KIF14: variants seen among roughly 807,000 people sequenced by gnomAD.
KIF14 encodes the protein kinesin-like protein KIF14.
A neutral mutation model predicts 176.2 loss-of-function variants in KIF14; 98 were observed. The observed-to-expected ratio is 0.56, with a 90% confidence interval of 0.47 to 0.66. The LOEUF is 0.66. Ranked by LOEUF, KIF14 falls within the 30% of genes least tolerant of loss-of-function variation. KIF14 has a pLI of 0.00. For synonymous variants in KIF14, 566 were observed against 632.2 expected, an observed-to-expected ratio of 0.90 and a Z score of 1.57; for missense variants, 1,751 against 1,920.4, an observed-to-expected ratio of 0.91 and a Z score of 1.65.
At chr1:200,580,567 T>G (rs1285829189) in intron 20 of KIF14, among the ~76,000 whole-genome samples, 184 bp from the exon 21 acceptor site, 4 of 151,982 alleles carry the variant, frequency 2.6e-5, no homozygotes, top group Non-Finnish European at 4.4e-5. Context: ...TAACAAAAAT[T>G]TTTTAAAATC....
In KIF14 at chr1:200,598,126, G is replaced by C. The variant is rs911812946; in HGVS notation, c.2549+111C>G. The C allele has an allele frequency of 4.4e-6, 4 of 914,738 alleles. No homozygotes were observed. The African/African-American group carries it at 6.8e-5, about 15-fold the overall frequency. The allele number at this position is 914,738 out of a possible 1,614,324, so 56.7% of individuals were successfully genotyped here. ...TTTTTCCTGACTAAACAATGGGTTT[G>C]AAGAATTCTACCAAACGATCAGTAT... is the stretch of plus-strand genomic sequence containing the variant. On this transcript the variant is annotated intron_variant, in intron 14 of 29. Coordinates refer to ENST00000367350, the MANE Select transcript of KIF14 (RefSeq NM_014875.3).
At chr1:200,553,800 GC>G in intron 29 of KIF14, 33 bp from the exon 30 acceptor site, 1 of 1,537,260 alleles carries the variant, frequency 6.5e-7, no homozygotes, top group South Asian at 1.3e-5. Flanking sequence ...AAGTTAATTA[GC>G]CTTTTCAGTT....
chr1:200,565,035 A>G (rs1319650973), intron 25 of KIF14, 34 bp downstream of exon 25: 1 of 1,504,070 alleles, frequency 6.6e-7, no homozygotes, highest in Non-Finnish European at 9.1e-7. Flanking sequence ...TTATTAAATG[A>G]ATCCTTCAAA....
chr1:200,597,943 TA>T (rs1402012670), intron 14 of KIF14, among the ~76,000 whole-genome samples: 1 of 152,200 alleles, frequency 6.6e-6, no homozygotes, highest in Non-Finnish European at 1.5e-5. Flanking sequence ...GTAAGATAGA[TA>T]GTTTACTTGC....
intron 21 of KIF14, among the ~76,000 whole-genome samples, chr1:200,576,779 G>T (rs970092936): frequency 6.6e-6 from 1 of 152,068 alleles, no homozygotes; most frequent in African/African-American, 2.4e-5. Context: ...TCACGTTTAT[G>T]ACATAAACCC....
chr1:200,578,600 C>A (rs1658261195), intron 21 of KIF14, among the ~76,000 whole-genome samples: 2 of 150,060 alleles, frequency 1.3e-5, no homozygotes, highest in African/African-American at 4.9e-5. Flanking sequence ...AAAGAAAATG[C>A]AGGGGTTGTA....
rs1659716474 is a variant in KIF14 at position 200,603,311 on chromosome 1, T to G, written c.1894A>C (p.Thr632Pro). Reference sequence around the variant, plus strand: ...AGTGCAGATATAACTTTTCCCAAAGTTAGCAAGGACTTATTAATACTCACA... The same window carrying G: ...AGTGCAGATATAACTTTTCCCAAAGGTAGCAAGGACTTATTAATACTCACA... ...EGVSINKSLL[T>P]LGKVISALSE... is the part of the protein sequence containing the mutation. Residue 632 changes from threonine (T) to proline (P), a missense_variant, in exon 10 of 30, where the codon ACT becomes CCT. Coordinates refer to ENST00000367350, the MANE Select transcript of KIF14 (RefSeq NM_014875.3). 6.2e-7 allele frequency: 1 copy of G among 1,608,618 alleles called. No individual in the cohort carries two copies. The highest frequency in any genetic ancestry group is 1.3e-5 in the African/African-American group (1 of 74,862).
At chr1:200,570,121 A>G in intron 22 of KIF14, 116 bp from the exon 23 acceptor site, 1 of 510,002 alleles carries the variant, frequency 2.0e-6, no homozygotes. Flanking sequence ...TTTTCATTAA[A>G]AATTTTCATC....
rs1558064089 is a variant in KIF14, at chr1:200,581,760, C to CTTTTTT, written c.3242-467_3242-466insAAAAAA. Among the ~76,000 whole-genome samples the CTTTTTT allele has an allele frequency of 6.8e-5, 7 of 102,434 alleles. 1 individual carries two copies. Among genetic ancestry groups the CTTTTTT allele is most frequent in the African/African-American group, 1.1e-4 (3 of 27,888 alleles). The allele number at this position is 102,434 out of a possible 152,430, so 67.2% of individuals were successfully genotyped here. A position where few individuals can be genotyped will look rare whatever the true frequency, so the allele number is the denominator to read the frequency against. On this transcript the variant is annotated intron_variant, in intron 19 of 29. Coordinates refer to ENST00000367350, the MANE Select transcript of KIF14 (RefSeq NM_014875.3). ...ATAATTTAGTACACAATTTCACTTT[C>CTTTTTT]CTTTTTTTTTTTTTTTTTTTTTTTG...
chr1:200,582,284 G>C (rs953486334), intron 19 of KIF14, among the ~76,000 whole-genome samples: 1 of 152,018 alleles, frequency 6.6e-6, no homozygotes, highest in African/African-American at 2.4e-5. Flanking sequence ...TGAGACAAGA[G>C]GATCACTTGA....
At chr1:200,556,498 A>G (rs1246306454) in intron 27 of KIF14, among the ~76,000 whole-genome samples, 1 of 152,222 alleles carries the variant, frequency 6.6e-6, no homozygotes, top group African/African-American at 2.4e-5. Flanking sequence ...CATGAACAAC[A>G]AAGTACAGGT....
In KIF14 at chr1:200,617,675, T is replaced by A. The variant is rs1163480171; in HGVS notation, c.1049A>T (p.Asp350Val). The change falls in exon 2 of 30, where the codon GAC becomes GTC. Residue 350 changes from aspartate to valine, a missense_variant. By Grantham distance (152) the Asp-to-Val change is radical. Coordinates refer to ENST00000367350, the MANE Select transcript of KIF14 (RefSeq NM_014875.3). ...TTGACTATTCTCTACTTTTAAGGGG[T>A]CTTTTCCTGCAGAGGTGTTCTGAAC... ...TVVQNTSAGK[D>V]PLKVENSQVT... 3 of 1,614,054 alleles carry A rather than the reference T, an allele frequency of 1.9e-6. No homozygotes were observed. The African/African-American group carries it at 4.0e-5, about 22-fold the overall frequency.
chr1:200,598,178 C>T, intron 14 of KIF14, 59 bp downstream of exon 14: 1 of 1,453,708 alleles, frequency 6.9e-7, no homozygotes, highest in African/African-American at 1.4e-5. Flanking sequence ...TGAAGGAAAC[C>T]ACATGTTATC....
intron 19 of KIF14, among the ~76,000 whole-genome samples, chr1:200,584,118 T>C (rs1425329641): frequency 1.3e-5 from 2 of 149,614 alleles, no homozygotes; most frequent in African/African-American, 4.9e-5. Context: ...CTTGGGAAGC[T>C]GAGGCAGGAG....
rs750426299 is a variant in KIF14 at position 200,606,763 on chromosome 1, A to G, written c.1590T>C (p.Tyr530=). 5 of 1,613,560 alleles carry G rather than the reference A, an allele frequency of 3.1e-6. No individual in the cohort carries two copies. Among genetic ancestry groups the G allele is most frequent in the South Asian group, 2.2e-5 (2 of 91,082 alleles). Reference sequence around the variant, plus strand: ...ATACTTACATTGACAGTGCTTCAACATATGGTCCATAAACAGGATGTTCCC... The same window carrying G: ...ATACTTACATTGACAGTGCTTCAACGTATGGTCCATAAACAGGATGTTCCC... ...RVREHPVYGP[Y]VEALSMNIVS... is the part of the protein sequence containing the mutation. The change falls in exon 6 of 30, where the codon TAT becomes TAC. Residue 530 remains tyrosine, a synonymous_variant. Coordinates refer to ENST00000367350, the MANE Select transcript of KIF14 (RefSeq NM_014875.3).
Position 200,589,339 on chromosome 1 carries a change from C to T in KIF14, c.2992G>A (p.Glu998Lys). 6.2e-7 allele frequency: 1 copy of T among 1,608,954 alleles called. No individual in the cohort carries two copies. Among genetic ancestry groups the T allele is most frequent in the Non-Finnish European group, 8.5e-7 (1 of 1,176,924 alleles). ...REESQRKKMQ[E>K]INNQKANHKI... ...TGATTAGCCTTCTGGTTATTTATTTCCTGCATTTTTTTCCTTTGAGACTCT... is the reference window on the plus strand; with the variant it reads ...TGATTAGCCTTCTGGTTATTTATTTTCTGCATTTTTTTCCTTTGAGACTCT... The change falls in exon 18 of 30, where the codon GAA becomes AAA. Residue 998 changes from glutamate (E) to lysine (K), a missense_variant. Physicochemically the swap from Glu to Lys is moderately conservative, Grantham distance 56 (BLOSUM62 1). Coordinates refer to ENST00000367350, the MANE Select transcript of KIF14 (RefSeq NM_014875.3).
At chr1:200,615,231 T>C in intron 3 of KIF14, 124 bp downstream of exon 3, 1 of 1,021,246 alleles carries the variant, frequency 9.8e-7, no homozygotes, top group Non-Finnish European at 1.4e-6. Flanking sequence ...GTATATAAAA[T>C]GGATGAGATT....
At chr1:200,571,183 C>T (rs537923012) in intron 22 of KIF14, among the ~76,000 whole-genome samples, 2 of 152,148 alleles carry the variant, frequency 1.3e-5, no homozygotes, top group African/African-American at 4.8e-5. Flanking sequence ...GGCGTGGTGG[C>T]AGCTGTCTGT....
intron 6 of KIF14, 63 bp from the exon 7 acceptor site, chr1:200,605,957 AAAC>A: frequency 1.1e-6 from 1 of 882,000 alleles, no homozygotes; most frequent in East Asian, 2.8e-5. Flanking sequence ...TGTTCTCATA[AAAC>A]AATAACATTT....
Sources: allele counts gnomAD v4.1 joint callset (sites outside exome capture counted in the v4.1 genomes callset), GRCh38; gene constraint gnomAD v4.1.1; transcripts MANE v1.5; gene names NCBI Gene and HGNC (gene_info 2026-07-23, HGNC 2026-07-21).